CTU2: variants seen among roughly 807,000 people sequenced by gnomAD.
CTU2 encodes the protein cytoplasmic tRNA 2-thiolation protein 2.
A neutral mutation model predicts 64.1 loss-of-function variants in CTU2; 80 were observed. The ratio of observed to expected loss-of-function variants is 1.25; its 90% CI spans 1.04 to 1.50. The LOEUF (loss-of-function observed/expected upper bound fraction) is 1.50. Among genes scored for constraint, CTU2 ranks in the 40% most tolerant of loss-of-function variants. CTU2 has a pLI of 0.00. For synonymous variants in CTU2, 482 were observed against 285.3 expected (o/e 1.69, Z -6.95); for missense variants, 1,110 against 690.2 (o/e 1.61, Z -6.81).
intron 4 of CTU2, 48 bp from the exon 5 acceptor site, chr16:88,711,587 C>T (rs11076704): frequency 0.39 from 605,282 of 1,533,160 alleles, 130,707 homozygotes; most frequent in Non-Finnish European, 0.45. Context: ...GGAAAAGTGT[C>T]CTGTGGCTTA....
intron 4 of CTU2, 107 bp from the exon 5 acceptor site, chr16:88,711,528 C>T (rs1169063478): frequency 8.5e-7 from 1 of 1,174,374 alleles, no homozygotes; most frequent in Admixed American, 2.3e-5. Flanking sequence ...GGGAAGACCA[C>T]TTCACCTTCC....
chr16:88,706,521 C>G lies in CTU2; in HGVS notation c.-10C>G, dbSNP rs767452884. On this transcript the variant is annotated 5_prime_UTR_variant, in exon 1 of 15. Transcript: ENST00000453996. The stretch of plus-strand genomic sequence containing the variant: ...CGCCGCCACAGTCTGCGACGGGACC[C>G]GGCGTGCCCATGTGTCAGGTGGGCG... 5 of 1,436,272 alleles carry G rather than the reference C, an allele frequency of 3.5e-6. No individual in the cohort carries two copies. The highest frequency in any genetic ancestry group is 5.9e-5 in the Admixed American group (2 of 33,878). The allele number at this position is 1,436,272 out of a possible 1,614,324, so 89.0% of individuals were successfully genotyped here.
Position 88,715,331 on chromosome 16 carries a change from A to T in CTU2, c.*80A>T. The stretch of plus-strand genomic sequence containing the variant: ...TGGAGCCGGAAGGCAAGGACGGGGG[A>T]CTGGCCTCTGATTGTCCATTTGTAT... On this transcript the variant is annotated 3_prime_UTR_variant, in exon 15 of 15. Transcript: ENST00000453996. 9.9e-6 allele frequency: 14 copies of T among 1,418,946 alleles called. No homozygotes were observed. Among genetic ancestry groups the T allele is most frequent in the Non-Finnish European group, 1.4e-5 (14 of 1,034,468 alleles). 87.9% of individuals were successfully genotyped at this position (1,418,946 alleles called of 1,614,324 possible).
Position 88,714,629 on chromosome 16 carries a change from C to G in CTU2, c.1244C>G (p.Ser415Cys), listed in dbSNP as rs753096065. The change falls in exon 12 of 15, where the codon TCC (serine) becomes TGC (cysteine). Residue 415 changes from serine to cysteine, a missense_variant. Physicochemically the swap from Ser to Cys is moderately radical, Grantham distance 112 (BLOSUM62 -1). Coordinates refer to ENST00000453996, the MANE Select transcript of CTU2 (RefSeq NM_001012759.3). The stretch of plus-strand genomic sequence containing the variant: ...GGGGCTCAGACCTCCTCGCGTCTCT[C>G]CCAGATGCAGTCACCCATCCCCCTG... ...AFGAQTSSRL[S>C]QMQSPIPLTE... The G allele has an allele frequency of 1.9e-6, 3 of 1,612,650 alleles. No homozygotes were observed. The highest frequency in any genetic ancestry group is 4.5e-5 in the East Asian group (2 of 44,864).
In CTU2 at chr16:88,711,684, T is replaced by C; in HGVS notation, c.332T>C (p.Ile111Thr). The C allele has an allele frequency of 6.2e-7, 1 of 1,608,896 alleles. No individual in the cohort carries two copies. The highest frequency in any genetic ancestry group is 8.5e-7 in the Non-Finnish European group (1 of 1,176,760). ...AKRLRFVAGV[I>T]FVDEGAACGQ... ...AGACTGCGCTTTGTGGCAGGAGTCA[T>C]CTTTGTTGACGGTATGTGGGGCCAT... Residue 111 changes from isoleucine (I) to threonine (T), a missense_variant, in exon 5 of 15, where the codon ATC (isoleucine) becomes ACC (threonine). Transcript: ENST00000453996.
chr16:88,711,199 C>G (rs1218177672), intron 4 of CTU2, among the ~76,000 whole-genome samples: 2 of 152,188 alleles, frequency 1.3e-5, no homozygotes, highest in East Asian at 3.9e-4. Context: ...TGGCCCAGCC[C>G]TCTGTGTAAC....
intron 5 of CTU2, 190 bp from the exon 6 acceptor site, chr16:88,712,084 G>A (rs1911368863): frequency 5.6e-6 from 4 of 708,408 alleles, no homozygotes; most frequent in South Asian, 1.5e-5. Context: ...GGTGTTGACT[G>A]TAGCGCTGAG....
At chr16:88,712,420 G>A (rs1911403733) in intron 6 of CTU2, 37 bp downstream of exon 6, 1 of 1,528,132 alleles carries the variant, frequency 6.5e-7, no homozygotes, top group Non-Finnish European at 8.9e-7. Context: ...TCCCGGAGGT[G>A]ACCCCTGGGG....
At chr16:88,715,132 G>C (rs558390189) in intron 14 of CTU2, 26 bp downstream of exon 14, 1 of 1,604,836 alleles carries the variant, frequency 6.2e-7, no homozygotes, top group East Asian at 2.2e-5. Context: ...CTGCCGTGGC[G>C]CGTGGGTAAG....
At chr16:88,706,862 G>A in intron 1 of CTU2, 1 of 557,700 alleles carries the variant, frequency 1.8e-6, no homozygotes, top group South Asian at 2.4e-5. Flanking sequence ...AACTGGTGCC[G>A]TGAAGCTGTC....
chr16:88,713,442 G>C lies in CTU2; in HGVS notation c.868G>C (p.Asp290His), dbSNP rs776112299. Residue 290 changes from aspartate to histidine, a missense_variant, in exon 8 of 15, where the codon GAT (aspartate) becomes CAT (histidine). Coordinates refer to ENST00000453996, the MANE Select transcript of CTU2 (RefSeq NM_001012759.3). Reference sequence around the variant, plus strand: ...GGGTCGAGGGGCCTTCCTGGCCTGGGATACGGTAGGCAGGGGCCTGGGTGT... The same window carrying C: ...GGGTCGAGGGGCCTTCCTGGCCTGGCATACGGTAGGCAGGGGCCTGGGTGT... ...ALGRGAFLAW[D>H]TGFSDERHGD... is the part of the protein sequence containing the mutation. 1.3e-6 allele frequency: 2 copies of C among 1,578,550 alleles called. No individual in the cohort carries two copies. Among genetic ancestry groups the C allele is most frequent in the Non-Finnish European group, 1.7e-6 (2 of 1,168,762 alleles).
rs369326503 is a variant in CTU2, at chr16:88,713,781, G to A, written c.1005+3G>A. On this transcript the variant is annotated splice_donor_region_variant and intron_variant, in intron 9 of 14. Transcript: ENST00000453996. ...TCACACCAGCCGTCGACACCAAGGT[G>A]GGCCTTGTGGGCTGGGCAACCTCTC... The A allele has an allele frequency of 8.1e-6, 13 of 1,612,276 alleles. No individual in the cohort carries two copies. Among genetic ancestry groups the A allele is most frequent in the African/African-American group, 1.3e-5 (1 of 74,938 alleles).
rs1911209707 is a variant in CTU2, at chr16:88,710,262, A to G, written c.262A>G (p.Met88Val). 3 of 1,613,912 alleles carry G rather than the reference A, an allele frequency of 1.9e-6. No homozygotes were observed. Among genetic ancestry groups the G allele is most frequent in the Non-Finnish European group, 2.5e-6 (3 of 1,179,964 alleles). The part of the protein sequence containing the change: ...AWSGGPSSSS[M>V]VWQVLEGLSQ... ...GTCTGGGGGGCCTTCGTCCAGCTCCATGGTCTGGCAGGTTCTTGAGGTGCG... is the reference window on the plus strand; with the variant it reads ...GTCTGGGGGGCCTTCGTCCAGCTCCGTGGTCTGGCAGGTTCTTGAGGTGCG... Residue 88 changes from methionine to valine, a missense_variant, in exon 4 of 15, where the codon ATG (methionine) becomes GTG (valine). Met to Val is a conservative substitution (Grantham distance 21). Coordinates refer to ENST00000453996, the MANE Select transcript of CTU2 (RefSeq NM_001012759.3).
intron 4 of CTU2, chr16:88,710,603 C>A (rs985591118): frequency 5.8e-6 from 2 of 345,316 alleles, no homozygotes; most frequent in African/African-American, 4.5e-5. Flanking sequence ...GTCCACAGTG[C>A]GTGTGTGCGG....
chr16:88,710,503 C>T (rs1175214676), intron 4 of CTU2: 2 of 564,636 alleles, frequency 3.5e-6, no homozygotes, highest in Non-Finnish European at 6.3e-6. Context: ...GTGTTTACAG[C>T]AGGTGCACAA....
intron 7 of CTU2, 78 bp downstream of exon 7, chr16:88,712,983 A>C (rs1394756888): frequency 1.1e-5 from 5 of 437,782 alleles, no homozygotes; most frequent in South Asian, 3.5e-5. Flanking sequence ...CCGGGCCCTG[A>C]CCCCCACTCA....
intron 3 of CTU2, 27 bp from the exon 4 acceptor site, chr16:88,710,196 C>T: frequency 1.2e-6 from 2 of 1,613,472 alleles, no homozygotes; most frequent in East Asian, 2.2e-5. Context: ...AGGTGCGGTG[C>T]CCTGAGTGAT....
rs929321111 is a variant in CTU2, at chr16:88,714,576, T to G, written c.1202-11T>G. On this transcript the variant is annotated splice_polypyrimidine_tract_variant and intron_variant, in intron 11 of 14. Coordinates refer to ENST00000453996, the MANE Select transcript of CTU2 (RefSeq NM_001012759.3). ...CAGCCCCAGGCTCCGTCACCCCCTC[T>G]CTGCTTGCAGACAGTGCCACGGCTT... 7 of 1,612,478 alleles carry G rather than the reference T, an allele frequency of 4.3e-6. No homozygotes were observed. The highest frequency in any genetic ancestry group is 1.7e-5 in the Admixed American group (1 of 59,998).
chr16:88,715,340 T>TA lies in CTU2; in HGVS notation c.*89_*90insA. The TA allele has an allele frequency of 7.5e-7, 1 of 1,331,312 alleles. No homozygotes were observed. 82.5% of individuals were successfully genotyped at this position (1,331,312 alleles called of 1,614,324 possible). A position where few individuals can be genotyped will look rare whatever the true frequency, so the allele number is the denominator to read the frequency against. ...AAGGCAAGGACGGGGGACTGGCCTCTGATTGTCCATTTGTATAAATAAAAC... is the reference window on the plus strand; with the variant it reads ...AAGGCAAGGACGGGGGACTGGCCTCTAGATTGTCCATTTGTATAAATAAAAC... On this transcript the variant is annotated 3_prime_UTR_variant, in exon 15 of 15. Coordinates refer to ENST00000453996, the MANE Select transcript of CTU2 (RefSeq NM_001012759.3).
Sources: allele counts gnomAD v4.1 joint callset (sites outside exome capture counted in the v4.1 genomes callset), GRCh38; gene constraint gnomAD v4.1.1; transcripts MANE v1.5; gene names NCBI Gene and HGNC (gene_info 2026-07-23, HGNC 2026-07-21).